Variants in ITGA9 observed in about 807,000 individuals in gnomAD.
ITGA9 encodes the protein integrin alpha-9.
Under a neutral mutation model 127.8 loss-of-function variants are expected in ITGA9, and 56 were observed. The ratio of observed to expected loss-of-function variants is 0.44; its 90% CI spans 0.35 to 0.55. The LOEUF (loss-of-function observed/expected upper bound fraction) is 0.55, where lower values mean the gene tolerates loss of function less well. Ranked by LOEUF, ITGA9 falls within the 20% of genes least tolerant of loss-of-function variation. ITGA9 has a pLI of 0.00. For synonymous variants in ITGA9, 508 were observed against 514.5 expected (o/e 0.99, Z 0.17); for missense variants, 1,196 against 1,347.1 (o/e 0.89, Z 1.76).
rs748878643 is a variant in ITGA9, at chr3:37,629,215, T to C, written c.1718T>C (p.Ile573Thr). ...KRRVQDVISP[I>T]VFEAAYSLSE... The stretch of plus-strand genomic sequence containing the variant: ...AGGGTGCAGGACGTCATCAGCCCGA[T>C]CGTGTTTGAAGCAGCCTACAGCCTC... The change falls in exon 16 of 28, where the codon ATC becomes ACC. Residue 573 changes from isoleucine (I) to threonine (T), a missense_variant. Ile to Thr is a moderately conservative substitution (Grantham distance 89). Transcript: ENST00000264741. The surrounding 1 kb of genome is among the most constrained non-coding windows in gnomAD (Gnocchi z 4.5). 1.9e-6 allele frequency: 3 copies of C among 1,613,302 alleles called. No individual in the cohort carries two copies. Among genetic ancestry groups the C allele is most frequent in the Non-Finnish European group, 1.7e-6 (2 of 1,179,932 alleles).
At chr3:37,789,314 A>G (rs1697077433) in intron 26 of ITGA9, among the ~76,000 whole-genome samples, 1 of 152,214 alleles carries the variant, frequency 6.6e-6, no homozygotes, top group Non-Finnish European at 1.5e-5. Flanking sequence ...TGCCTAAAAT[A>G]GCAAATTAAC....
At chr3:37,771,463 CAT>C (rs1031564014) in intron 23 of ITGA9, among the ~76,000 whole-genome samples, 7 of 152,270 alleles carry the variant, frequency 4.6e-5, no homozygotes, top group Admixed American at 2.0e-4. Context: ...CCAACATCCT[CAT>C]GTGTAGATGA....
At chr3:37,786,853 C>G (rs13100501) in intron 26 of ITGA9, among the ~76,000 whole-genome samples, 40 of 152,118 alleles carry the variant, frequency 2.6e-4, no homozygotes, top group East Asian at 3.9e-4. Flanking sequence ...TTGTTTGTTT[C>G]TTTGTTTGTT....
At chr3:37,512,120 C>CTTTCT (rs1176263183) in intron 8 of ITGA9, among the ~76,000 whole-genome samples, 45 of 39,458 alleles carry the variant, frequency 1.1e-3, no homozygotes, top group South Asian at 2.7e-3. Flanking sequence ...TTCCTTCCTT[C>CTTTCT]TTTCTTTTCT....
rs748381488 is a variant in ITGA9, at chr3:37,818,191, T to TAAAAAAAAA, written c.3010-682_3010-674dup. On this transcript the variant is annotated intron_variant, in intron 27 of 27. Coordinates refer to ENST00000264741, the MANE Select transcript of ITGA9 (RefSeq NM_002207.3). ...CTTTCCACTGTACATTAAGACTCTC[T>TAAAAAAAAA]AAAAAAAAAAAAAAAAAAAAAAAAA... The TAAAAAAAAA allele has an allele frequency of 1.1e-3, 35 of 31,970 alleles. 1 individual carries two copies. The highest frequency in any genetic ancestry group is 3.2e-3 in the African/African-American group (34 of 10,666). The allele number at this position is 31,970 out of a possible 1,614,324, so 2.0% of individuals were successfully genotyped here. A position where few individuals can be genotyped will look rare whatever the true frequency, so the allele number is the denominator to read the frequency against.
chr3:37,659,557 G>A (rs1322081886), intron 17 of ITGA9, among the ~76,000 whole-genome samples: 1 of 151,748 alleles, frequency 6.6e-6, no homozygotes, highest in Non-Finnish European at 1.5e-5. Flanking sequence ...CTCTAAACTG[G>A]TTATTTTAGT....
intron 15 of ITGA9, among the ~76,000 whole-genome samples, chr3:37,559,475 G>A (rs1260517066): frequency 1.3e-5 from 2 of 152,182 alleles, no homozygotes; most frequent in Non-Finnish European, 1.5e-5. Context: ...TGAAAAATAC[G>A]CAAATGCATC....
At chr3:37,756,077 C>T (rs1256860560) in intron 23 of ITGA9, among the ~76,000 whole-genome samples, 1 of 151,302 alleles carries the variant, frequency 6.6e-6, no homozygotes, top group African/African-American at 2.4e-5. Flanking sequence ...TAAAGACACT[C>T]TCAGATTAGA....
intron 16 of ITGA9, among the ~76,000 whole-genome samples, chr3:37,636,495 T>G (rs1700280295): frequency 6.6e-6 from 1 of 152,252 alleles, no homozygotes. Flanking sequence ...TTTTTTCTTG[T>G]AAATTTGTTT....
chr3:37,764,907 C>T (rs1696762814), intron 23 of ITGA9, among the ~76,000 whole-genome samples: 1 of 152,182 alleles, frequency 6.6e-6, no homozygotes, highest in African/African-American at 2.4e-5. Flanking sequence ...GAACACTTTA[C>T]CTAAAGTTGC....
chr3:37,541,873 C>T (rs1699276184), intron 14 of ITGA9, among the ~76,000 whole-genome samples: 1 of 152,164 alleles, frequency 6.6e-6, no homozygotes, highest in Non-Finnish European at 1.5e-5. Context: ...AGTTAGTGCT[C>T]AGTAAACGAT....
chr3:37,551,254 C>A (rs1559534523), intron 15 of ITGA9, among the ~76,000 whole-genome samples: 1 of 152,046 alleles, frequency 6.6e-6, no homozygotes, highest in African/African-American at 2.4e-5. Context: ...ACCCTCATTC[C>A]GTGCACATTT....
At chr3:37,784,825 G>A (rs1697019380) in intron 25 of ITGA9, 152 bp from the exon 26 acceptor site, 3 of 681,468 alleles carry the variant, frequency 4.4e-6, no homozygotes, top group Non-Finnish European at 8.1e-6. Flanking sequence ...GTGTTTATGT[G>A]GGTGCCTGGG....
At chr3:37,504,844 G>A (rs946168014) in intron 6 of ITGA9, among the ~76,000 whole-genome samples, 9 of 152,150 alleles carry the variant, frequency 5.9e-5, no homozygotes, top group African/African-American at 2.2e-4. Flanking sequence ...TGATGTCATC[G>A]CGAAACTCAA....
At chr3:37,640,648 G>A (rs755607990) in intron 16 of ITGA9, among the ~76,000 whole-genome samples, 4 of 152,126 alleles carry the variant, frequency 2.6e-5, no homozygotes, top group South Asian at 2.1e-4. Flanking sequence ...GCTGAACTCC[G>A]GTAACTTATT....
intron 23 of ITGA9, among the ~76,000 whole-genome samples, chr3:37,773,674 A>G (rs1696871338): frequency 6.6e-6 from 1 of 152,078 alleles, no homozygotes; most frequent in Non-Finnish European, 1.5e-5. Flanking sequence ...TTGACTGGCA[A>G]GGGACTGGTG....
chr3:37,779,059 A>G (rs2844391), intron 24 of ITGA9, among the ~76,000 whole-genome samples: 1 of 152,156 alleles, frequency 6.6e-6, no homozygotes, highest in African/African-American at 2.4e-5. Flanking sequence ...CATATAAAAA[A>G]GAAAACTTTT....
At chr3:37,649,696 C>G (rs994323199) in intron 16 of ITGA9, among the ~76,000 whole-genome samples, 3 of 152,188 alleles carry the variant, frequency 2.0e-5, no homozygotes, top group African/African-American at 7.2e-5. Flanking sequence ...ACTTGAACAA[C>G]TGGACCTGTG....
At chr3:37,804,982 T>G (rs1039172834) in intron 27 of ITGA9, among the ~76,000 whole-genome samples, 2 of 152,200 alleles carry the variant, frequency 1.3e-5, no homozygotes, top group African/African-American at 4.8e-5. Flanking sequence ...AACTTATTTT[T>G]GAATAGTGTA....
Sources: gnomAD v4.1 joint callset for allele counts (sites outside exome capture counted in the v4.1 genomes callset) on GRCh38, gnomAD v4.1.1 for gene constraint, Gnocchi (gnomAD v3.1) non-coding constraint, MANE v1.5 for transcripts, NCBI Gene and HGNC (gene_info 2026-07-23, HGNC 2026-07-21) for gene names.